CMKLR2: variants seen among roughly 807,000 people sequenced by gnomAD.
The protein encoded by CMKLR2 is chemerin chemokine-like receptor 2, also known as chemerin-like receptor 2.
A neutral mutation model predicts 23.0 loss-of-function variants in CMKLR2; 18 were observed. The observed-to-expected ratio is 0.78, with a 90% CI of 0.54 to 1.16. CMKLR2 has a LOEUF of 1.16. Among genes scored for constraint, CMKLR2 ranks in the 50% most tolerant of loss-of-function variants. The pLI is 0.00. For synonymous variants in CMKLR2, 158 were observed against 158.9 expected, an observed-to-expected ratio of 0.99 and a Z score of 0.05; for missense variants, 401 against 412.7, an observed-to-expected ratio of 0.97 and a Z score of 0.25.
intron 1 of CMKLR2, among the ~76,000 whole-genome samples, chr2:206,205,795 G>A (rs1415167294): frequency 6.6e-6 from 1 of 151,932 alleles, no homozygotes; most frequent in Non-Finnish European, 1.5e-5. Context: ...CACCTCCCAG[G>A]TTCAAGCGAT....
intron 1 of CMKLR2, among the ~76,000 whole-genome samples, chr2:206,207,020 C>T (rs1424140492): frequency 6.7e-6 from 1 of 150,202 alleles, no homozygotes; most frequent in Non-Finnish European, 1.5e-5. Context: ...CAGCCACTTC[C>T]TTGGACCAGC....
intron 1 of CMKLR2, among the ~76,000 whole-genome samples, chr2:206,186,491 T>C (rs938857591): frequency 3.9e-5 from 6 of 152,162 alleles, no homozygotes; most frequent in African/African-American, 1.4e-4. Flanking sequence ...AGCACTGTGG[T>C]GGAGCCCTGG....
chr2:206,205,543 T>TA (rs946775280), intron 1 of CMKLR2, among the ~76,000 whole-genome samples: 1 of 150,912 alleles, frequency 6.6e-6, no homozygotes, highest in East Asian at 2.0e-4. Flanking sequence ...TTTTTTTTTT[T>TA]AAATTTGGGG....
intron 1 of CMKLR2, among the ~76,000 whole-genome samples, chr2:206,201,149 A>G (rs1689083193): frequency 6.6e-6 from 1 of 152,080 alleles, no homozygotes; most frequent in South Asian, 2.1e-4. Context: ...ATGGGGTTTT[A>G]CCATGTTGGC....
intron 1 of CMKLR2, among the ~76,000 whole-genome samples, chr2:206,180,734 C>CATTAAT (rs1553513111): frequency 6.1e-4 from 79 of 130,558 alleles, no homozygotes; most frequent in African/African-American, 2.0e-3. Context: ...GTGCCCAGCC[C>CATTAAT]ATTATTATTA....
At chr2:206,190,422 G>A (rs1376462301) in intron 1 of CMKLR2, among the ~76,000 whole-genome samples, 1 of 152,156 alleles carries the variant, frequency 6.6e-6, no homozygotes, top group Non-Finnish European at 1.5e-5. Context: ...TTGCAAGATG[G>A]TTTGGAAAAG....
At chr2:206,200,689 C>T (rs1180107001) in intron 1 of CMKLR2, among the ~76,000 whole-genome samples, 1 of 152,194 alleles carries the variant, frequency 6.6e-6, no homozygotes, top group Non-Finnish European at 1.5e-5. Flanking sequence ...CACTAGCACT[C>T]CTGGCCCCAA....
At chr2:206,184,286 TTC>T (rs755461051) in intron 1 of CMKLR2, among the ~76,000 whole-genome samples, 2 of 149,872 alleles carry the variant, frequency 1.3e-5, no homozygotes, top group African/African-American at 2.5e-5. Context: ...AAAACCCCAT[TTC>T]TCTCTCTCTC....
chr2:206,209,907 C>CA (rs1464465797), intron 1 of CMKLR2, among the ~76,000 whole-genome samples: 1 of 151,742 alleles, frequency 6.6e-6, no homozygotes, highest in Non-Finnish European at 1.5e-5. Context: ...CTCGGCCTCC[C>CA]AAAGTGCTGG....
intron 1 of CMKLR2, among the ~76,000 whole-genome samples, chr2:206,189,767 G>C (rs1027720530): frequency 2.6e-5 from 4 of 152,188 alleles, no homozygotes; most frequent in African/African-American, 9.6e-5. Flanking sequence ...TTCAAGGGCT[G>C]TCTTCTTAGG....
At position 206,176,203 on chromosome 2, in the gene CMKLR2, A is replaced by G. The variant is rs141787369; in HGVS notation, c.1045T>C (p.Cys349Arg). 2.0e-4 allele frequency: 330 copies of G among 1,612,032 alleles called. No individual in the cohort carries two copies. The highest frequency in any genetic ancestry group is 1.3e-4 in the Non-Finnish European group (159 of 1,179,118). ...ACTTATTGAGCTGTTTCCAGGAGAC[A>G]CAGATTCTTGGTTTCTGAGTTCCTG... is the stretch of plus-strand genomic sequence containing the variant. ...QLRNSETKNL[C>R]LLETAQ Residue 349 changes from cysteine (C) to arginine (R), a missense_variant, in exon 2 of 2, where the codon TGT becomes CGT. Transcript: ENST00000621141.
At chr2:206,181,090 C>T (rs1688398326) in intron 1 of CMKLR2, among the ~76,000 whole-genome samples, 1 of 151,866 alleles carries the variant, frequency 6.6e-6, no homozygotes, top group Admixed American at 6.6e-5. Context: ...AACTCTCTCA[C>T]TCTGATGCCC....
At chr2:206,190,513 G>A (rs1448692803) in intron 1 of CMKLR2, among the ~76,000 whole-genome samples, 1 of 152,200 alleles carries the variant, frequency 6.6e-6, no homozygotes, top group Non-Finnish European at 1.5e-5. Flanking sequence ...TAGACAGTGA[G>A]AGAATTGAGA....
chr2:206,182,080 G>A (rs1310502911), intron 1 of CMKLR2, among the ~76,000 whole-genome samples: 4 of 151,932 alleles, frequency 2.6e-5, no homozygotes, highest in African/African-American at 7.3e-5. Flanking sequence ...TTGTGGAGGG[G>A]GAAGAAGATG....
At chr2:206,198,748 G>A (rs554162321) in intron 1 of CMKLR2, among the ~76,000 whole-genome samples, 1 of 152,126 alleles carries the variant, frequency 6.6e-6, no homozygotes, top group Non-Finnish European at 1.5e-5. Flanking sequence ...TTTCTGATTC[G>A]TGAAAGTATG....
chr2:206,203,613 G>T (rs1480328541), intron 1 of CMKLR2: 1 of 152,288 alleles, frequency 6.6e-6, no homozygotes, highest in Non-Finnish European at 1.5e-5. Context: ...CACAGACCTT[G>T]TCCCGTGCAT....
intron 1 of CMKLR2, among the ~76,000 whole-genome samples, chr2:206,206,820 A>C (rs1419191066): frequency 6.6e-6 from 1 of 152,014 alleles, no homozygotes; most frequent in East Asian, 1.9e-4. Context: ...CTTGGAAATA[A>C]CTATTTTGTC....
chr2:206,212,862 A>C (rs946854981), intron 1 of CMKLR2, among the ~76,000 whole-genome samples: 1 of 152,212 alleles, frequency 6.6e-6, no homozygotes, highest in Non-Finnish European at 1.5e-5. Context: ...TAAAGAGGGC[A>C]ATATCAGCTT....
Position 206,175,891 on chromosome 2 carries a change from A to G in CMKLR2, c.*289T>C, listed in dbSNP as rs1333372858. ...TCAAAAGTGATTAATTCACCATGGTATAATTAACAAGAATGATGCATTTCA... is the reference window on the plus strand; with the variant it reads ...TCAAAAGTGATTAATTCACCATGGTGTAATTAACAAGAATGATGCATTTCA... On this transcript the variant is annotated 3_prime_UTR_variant, in exon 2 of 2. Transcript: ENST00000621141. 1 of 266,306 alleles carries G rather than the reference A, an allele frequency of 3.8e-6. No homozygotes were observed. The highest frequency in any genetic ancestry group is 4.9e-5 in the Admixed American group (1 of 20,546). 16.5% of individuals were successfully genotyped at this position (266,306 alleles called of 1,614,324 possible). A position where few individuals can be genotyped will look rare whatever the true frequency, so the allele number is the denominator to read the frequency against.
Sources: allele counts gnomAD v4.1 joint callset (sites outside exome capture counted in the v4.1 genomes callset), GRCh38; gene constraint gnomAD v4.1.1; transcripts MANE v1.5; gene names NCBI Gene and HGNC (gene_info 2026-07-23, HGNC 2026-07-21).